Variants in TRPS1 observed in about 807,000 individuals in gnomAD.
TRPS1 encodes zinc finger transcription factor Trps1.
TRPS1 carries 6 observed loss-of-function variants against 101.2 expected under a neutral mutation model. The ratio of observed to expected loss-of-function variants is 0.06; its 90% CI spans 0.03 to 0.12. The LOEUF (loss-of-function observed/expected upper bound fraction) is 0.12, where lower values mean the gene tolerates loss of function less well. Ranked by LOEUF, TRPS1 falls within the 10% of genes least tolerant of loss-of-function variation. The pLI, the probability that TRPS1 is intolerant of heterozygous loss-of-function variation, is 1.00. For synonymous variants in TRPS1, 578 were observed against 589.8 expected (o/e 0.98, Z 0.29); for missense variants, 1,363 against 1,567.0 (o/e 0.87, Z 2.20).
intron 1 of TRPS1, chr8:115,667,819 A>G (rs1389843854): frequency 7.2e-6 from 11 of 1,534,328 alleles, no homozygotes; most frequent in Non-Finnish European, 9.6e-6. Flanking sequence ...TTTGGAGACC[A>G]TACGGAGGCC....
intron 5 of TRPS1, among the ~76,000 whole-genome samples, chr8:115,581,787 A>G (rs550805971): frequency 1.3e-5 from 2 of 152,316 alleles, no homozygotes; most frequent in East Asian, 3.9e-4. Context: ...ACTATTACAC[A>G]TAATGAATTT....
intron 5 of TRPS1, among the ~76,000 whole-genome samples, chr8:115,419,391 A>T (rs1812998464): frequency 2.6e-5 from 4 of 152,136 alleles, no homozygotes; most frequent in Admixed American, 2.6e-4. Flanking sequence ...AAAAGAAAAA[A>T]AAAGACAGCC....
chr8:115,617,128 G>C (rs1359715825), intron 3 of TRPS1, among the ~76,000 whole-genome samples: 2 of 152,112 alleles, frequency 1.3e-5, no homozygotes, highest in African/African-American at 4.8e-5. Flanking sequence ...CCAATTGTTT[G>C]TTTGAAATAA....
chr8:115,492,793 AACC>A (rs1815060559), intron 5 of TRPS1, among the ~76,000 whole-genome samples: 1 of 152,064 alleles, frequency 6.6e-6, no homozygotes, highest in African/African-American at 2.4e-5. Flanking sequence ...GGCTCACTGC[AACC>A]ACCACCTCCC....
intron 5 of TRPS1, chr8:115,515,136 T>C: frequency 1.5e-6 from 1 of 650,186 alleles, no homozygotes; most frequent in Non-Finnish European, 2.8e-6. Context: ...GAATGATAGC[T>C]AGAAGACAAA....
chr8:115,624,638 A>C lies in TRPS1; in HGVS notation c.-121-880T>G, dbSNP rs73367203. 3.3e-3 allele frequency among the ~76,000 whole-genome samples: 508 copies of C among 152,108 alleles called. 2 individuals carry two copies. Among genetic ancestry groups the C allele is most frequent in the African/African-American group, 0.012 (491 of 41,564 alleles). ...AATTAACCGTATTTCCTTCTAAATA[A>C]AACAAATCTAAATGCTTTGCTTTCT... On this transcript the variant is annotated intron_variant, in intron 1 of 6. Coordinates refer to ENST00000395715, the MANE Select transcript of TRPS1 (RefSeq NM_014112.5).
chr8:115,560,892 T>C (rs1586403620), intron 5 of TRPS1, among the ~76,000 whole-genome samples: 1 of 152,108 alleles, frequency 6.6e-6, no homozygotes, highest in Non-Finnish European at 1.5e-5. Flanking sequence ...AGAAAGCTTG[T>C]TTTAGGAGGT....
intron 1 of TRPS1, chr8:115,637,089 C>T (rs1245436951): frequency 4.7e-6 from 1 of 214,284 alleles, no homozygotes; most frequent in African/African-American, 2.4e-5. Context: ...GAAGATTATC[C>T]TGAGAGAGAA....
At chr8:115,425,639 T>C (rs1813169492) in intron 5 of TRPS1, among the ~76,000 whole-genome samples, 2 of 152,250 alleles carry the variant, frequency 1.3e-5, no homozygotes. Flanking sequence ...TTCTGAGATG[T>C]AACTGGTGAT....
At chr8:115,535,885 T>C (rs1183580277) in intron 5 of TRPS1, among the ~76,000 whole-genome samples, 1 of 151,952 alleles carries the variant, frequency 6.6e-6, no homozygotes, top group Non-Finnish European at 1.5e-5. Context: ...TGCAGAGCAT[T>C]ATAATATGAA....
intron 5 of TRPS1, among the ~76,000 whole-genome samples, chr8:115,546,805 T>C (rs1168427338): frequency 6.6e-6 from 1 of 152,204 alleles, no homozygotes; most frequent in Non-Finnish European, 1.5e-5. Context: ...TAGTTAAAAT[T>C]TGCTTACTTT....
At chr8:115,454,709 C>G (rs1813971400) in intron 5 of TRPS1, among the ~76,000 whole-genome samples, 1 of 152,028 alleles carries the variant, frequency 6.6e-6, no homozygotes, top group Non-Finnish European at 1.5e-5. Flanking sequence ...AAATATAGAG[C>G]TCTTTCAACA....
intron 5 of TRPS1, among the ~76,000 whole-genome samples, chr8:115,536,565 G>T (rs1586377993): frequency 6.7e-6 from 1 of 148,260 alleles, no homozygotes; most frequent in Admixed American, 6.7e-5. Context: ...ATTGTAAAAT[G>T]CCATTTACAT....
At chr8:115,556,772 A>G (rs1445925778) in intron 5 of TRPS1, among the ~76,000 whole-genome samples, 1 of 152,182 alleles carries the variant, frequency 6.6e-6, no homozygotes, top group Non-Finnish European at 1.5e-5. Flanking sequence ...CATCATGTCT[A>G]GTGGCATTTC....
chr8:115,509,209 A>G (rs1325684061), intron 5 of TRPS1, among the ~76,000 whole-genome samples: 1 of 152,048 alleles, frequency 6.6e-6, no homozygotes, highest in Non-Finnish European at 1.5e-5. Flanking sequence ...CGAACTCCTT[A>G]TCTCTTTAAA....
chr8:115,590,847 G>T (rs942210893), intron 4 of TRPS1, among the ~76,000 whole-genome samples: 13 of 151,992 alleles, frequency 8.6e-5, no homozygotes, highest in Admixed American at 7.9e-4. Context: ...ATTAAATAAA[G>T]CCCCTCTGTT....
chr8:115,474,072 GA>G (rs1814539044), intron 5 of TRPS1, among the ~76,000 whole-genome samples: 1 of 152,122 alleles, frequency 6.6e-6, no homozygotes, highest in African/African-American at 2.4e-5. Context: ...AGGTTTAGAT[GA>G]AATACTCTGC....
intron 5 of TRPS1, among the ~76,000 whole-genome samples, chr8:115,565,357 G>C (rs1205975521): frequency 6.6e-6 from 1 of 152,034 alleles, no homozygotes; most frequent in African/African-American, 2.4e-5. Flanking sequence ...GGTAAAGTCT[G>C]ACAGCATACA....
intron 5 of TRPS1, among the ~76,000 whole-genome samples, chr8:115,476,671 A>G (rs2130042087): frequency 6.6e-6 from 1 of 152,342 alleles, no homozygotes; most frequent in African/African-American, 2.4e-5. Flanking sequence ...CTAACCAGCA[A>G]GCAGCTCTTG....
Sources: gnomAD v4.1 joint callset for allele counts (sites outside exome capture counted in the v4.1 genomes callset) on GRCh38, gnomAD v4.1.1 for gene constraint, MANE v1.5 for transcripts, NCBI Gene and HGNC (gene_info 2026-07-23, HGNC 2026-07-21) for gene names.